ZHX2: variants seen among roughly 807,000 people sequenced by gnomAD.
ZHX2 encodes zinc fingers and homeoboxes 2, also known as zinc fingers and homeoboxes protein 2.
Under a neutral mutation model 21.9 loss-of-function variants are expected in ZHX2, and 6 were observed. The ratio of observed to expected loss-of-function variants is 0.27; its 90% CI spans 0.15 to 0.54. ZHX2 has a LOEUF of 0.54. ZHX2 is among the 20% of genes least tolerant of loss of function. The pLI, the probability that ZHX2 is intolerant of heterozygous loss-of-function variation, is 0.95. For missense variants in ZHX2, 908 were observed against 1,090.7 expected, an observed-to-expected ratio of 0.83 and a Z score of 2.36; for synonymous variants, 434 against 437.1, an observed-to-expected ratio of 0.99 and a Z score of 0.09.
chr8:122,788,443 T>A (rs1817445485), intron 1 of ZHX2, among the ~76,000 whole-genome samples: 1 of 152,180 alleles, frequency 6.6e-6, no homozygotes, highest in African/African-American at 2.4e-5. Context: ...GACACACACC[T>A]GTAGTCCCAG....
intron 2 of ZHX2, among the ~76,000 whole-genome samples, chr8:122,942,166 C>G (rs953200300): frequency 3.3e-5 from 5 of 151,716 alleles, no homozygotes; most frequent in Admixed American, 6.6e-5. Context: ...TCCTGCCCTG[C>G]CCCCACCCGT....
chr8:122,848,732 C>T (rs1353430789), intron 1 of ZHX2, among the ~76,000 whole-genome samples: 1 of 152,160 alleles, frequency 6.6e-6, no homozygotes, highest in Non-Finnish European at 1.5e-5. Context: ...AATGGACAAT[C>T]GCTGTTTCTT....
At chr8:122,849,493 C>T (rs528618622) in intron 1 of ZHX2, among the ~76,000 whole-genome samples, 1 of 152,310 alleles carries the variant, frequency 6.6e-6, no homozygotes, top group East Asian at 1.9e-4. Flanking sequence ...GCCCTATTCC[C>T]TCTGAAGGCT....
chr8:122,965,857 T>C (rs545511935), intron 3 of ZHX2, among the ~76,000 whole-genome samples: 2 of 152,282 alleles, frequency 1.3e-5, no homozygotes, highest in African/African-American at 4.8e-5. Flanking sequence ...ACATTTAGGA[T>C]TGTAATATTT....
At chr8:122,869,157 C>CTCTG (rs1198030542) in intron 2 of ZHX2, among the ~76,000 whole-genome samples, 3 of 152,176 alleles carry the variant, frequency 2.0e-5, no homozygotes, top group Non-Finnish European at 2.9e-5. Context: ...ACAGCCTGTG[C>CTCTG]TCTGCCCTTA....
At chr8:122,845,637 G>T (rs1308483539) in intron 1 of ZHX2, among the ~76,000 whole-genome samples, 1 of 152,322 alleles carries the variant, frequency 6.6e-6, no homozygotes, top group African/African-American at 2.4e-5. Context: ...GAACACAAAA[G>T]CCCAATTATA....
Position 122,951,493 on chromosome 8 carries a change from T to C in ZHX2, c.-18T>C. On this transcript the variant is annotated 5_prime_UTR_variant, in exon 3 of 4. Transcript: ENST00000314393. Reference sequence around the variant, plus strand: ...TTATCCCCCTCCAAAAATAAGCCATTGCACACAGACAGGCAGCATGGCTAG... The same window carrying C: ...TTATCCCCCTCCAAAAATAAGCCATCGCACACAGACAGGCAGCATGGCTAG... The C allele has an allele frequency of 6.3e-7, 1 of 1,598,756 alleles. No homozygotes were observed. The highest frequency in any genetic ancestry group is 8.5e-7 in the Non-Finnish European group (1 of 1,170,134).
At chr8:122,883,948 C>T (rs748661657) in intron 2 of ZHX2, among the ~76,000 whole-genome samples, 3 of 152,158 alleles carry the variant, frequency 2.0e-5, no homozygotes, top group Non-Finnish European at 2.9e-5. Context: ...GACGGGAATA[C>T]GCTCTAAGAA....
intron 3 of ZHX2, among the ~76,000 whole-genome samples, chr8:122,969,344 G>A (rs1813663808): frequency 2.6e-5 from 4 of 152,164 alleles, no homozygotes; most frequent in African/African-American, 9.6e-5. Context: ...TAGTTAATAG[G>A]AAGATATTTA....
intron 2 of ZHX2, among the ~76,000 whole-genome samples, chr8:122,922,745 G>A (rs1414863281): frequency 6.6e-6 from 1 of 152,204 alleles, no homozygotes; most frequent in Non-Finnish European, 1.5e-5. Context: ...TGGTACTTGG[G>A]TGTATTGCTC....
intron 1 of ZHX2, among the ~76,000 whole-genome samples, chr8:122,813,364 G>A (rs1052278401): frequency 2.0e-5 from 3 of 152,154 alleles, no homozygotes; most frequent in Admixed American, 1.3e-4. Context: ...ATGCATCAGA[G>A]CCGCCTTTCA....
chr8:122,941,303 G>A lies in ZHX2; in HGVS notation c.-219-9989G>A, dbSNP rs568434639. Among the ~76,000 whole-genome samples, 218 of 152,258 alleles carry A rather than the reference G, an allele frequency of 1.4e-3. 1 individual carries two copies. The highest frequency in any genetic ancestry group is 4.5e-3 in the Admixed American group (69 of 15,300). On this transcript the variant is annotated intron_variant, in intron 2 of 3. Coordinates refer to ENST00000314393, the MANE Select transcript of ZHX2 (RefSeq NM_014943.5). Reference sequence around the variant, plus strand: ...GTAAACAACATTTTAGTACTATCAGGTTTCCTTGGTCAACAAACCCCTTCT... The same window carrying A: ...GTAAACAACATTTTAGTACTATCAGATTTCCTTGGTCAACAAACCCCTTCT...
rs574191332 is a variant in ZHX2, at chr8:122,885,338, G to A, written c.-220+21799G>A. Among the ~76,000 whole-genome samples the A allele has an allele frequency of 2.6e-5, 4 of 152,328 alleles. No individual in the cohort carries two copies. The South Asian group carries it at 8.3e-4, about 32-fold the overall frequency. On this transcript the variant is annotated intron_variant, in intron 2 of 3. Transcript: ENST00000314393. The stretch of plus-strand genomic sequence containing the variant: ...GCATTTGTCATCTTCTGAGGGACCA[G>A]CCAGAGGCCAGTCTGCATGCATCAG...
Position 122,952,980 on chromosome 8 carries a change from C to T in ZHX2, c.1470C>T (p.His490=), listed in dbSNP as rs1303165641. 6.2e-7 allele frequency: 1 copy of T among 1,613,892 alleles called. No homozygotes were observed. Among genetic ancestry groups the T allele is most frequent in the Non-Finnish European group, 8.5e-7 (1 of 1,180,034 alleles). ...RSEIKKWFSD[H]RYRCQRGIVH... ...AGATCAAGAAGTGGTTCAGTGACCACCGATATCGGTGTCAAAGGGGCATCG... is the reference window on the plus strand; with the variant it reads ...AGATCAAGAAGTGGTTCAGTGACCATCGATATCGGTGTCAAAGGGGCATCG... Residue 490 remains histidine, a synonymous_variant, in exon 3 of 4, where the codon CAC becomes CAT. Transcript: ENST00000314393. The surrounding 1 kb of genome is among the most constrained non-coding windows in gnomAD (Gnocchi z 6.9).
chr8:122,903,497 G>A lies in ZHX2; in HGVS notation c.-220+39958G>A, dbSNP rs531365791. ...GGTATTATTGGAGAACGTGGGCATTGAGAAATGGGTCTTGTGTGCAGGGAT... is the reference window on the plus strand; with the variant it reads ...GGTATTATTGGAGAACGTGGGCATTAAGAAATGGGTCTTGTGTGCAGGGAT... On this transcript the variant is annotated intron_variant, in intron 2 of 3. Transcript: ENST00000314393. 2.0e-5 allele frequency among the ~76,000 whole-genome samples: 3 copies of A among 152,324 alleles called. No homozygotes were observed. In the East Asian group the frequency reaches 5.8e-4, roughly 29 times the overall value.
chr8:122,781,332 A>C (rs536057342), upstream of ZHX2: 6 of 152,218 alleles, frequency 3.9e-5, no homozygotes, highest in Non-Finnish European at 8.8e-5. This position sits in a 1 kb window ranked among gnomAD's most constrained non-coding sequence, Gnocchi z 4.6. Context: ...TTGCACGGAG[A>C]CGGTTTGGCC....
intron 1 of ZHX2, among the ~76,000 whole-genome samples, chr8:122,850,209 G>A (rs529924328): frequency 2.0e-5 from 3 of 152,162 alleles, no homozygotes; most frequent in South Asian, 2.1e-4. Context: ...CAAGAGCCCC[G>A]TGTCGCACCC....
intron 2 of ZHX2, among the ~76,000 whole-genome samples, chr8:122,877,782 C>G (rs1819605389): frequency 6.6e-6 from 1 of 152,058 alleles, no homozygotes; most frequent in African/African-American, 2.4e-5. Context: ...AGAAGGAGGA[C>G]TTGGGGGAGC....
chr8:122,847,560 C>T (rs1269951592), intron 1 of ZHX2, among the ~76,000 whole-genome samples: 1 of 152,212 alleles, frequency 6.6e-6, no homozygotes, highest in Non-Finnish European at 1.5e-5. Flanking sequence ...GTGCCAGGCC[C>T]AGTGCCAAGC....
Sources: gnomAD v4.1 joint callset for allele counts (sites outside exome capture counted in the v4.1 genomes callset) on GRCh38, gnomAD v4.1.1 for gene constraint, Gnocchi (gnomAD v3.1) non-coding constraint, MANE v1.5 for transcripts, NCBI Gene and HGNC (gene_info 2026-07-23, HGNC 2026-07-21) for gene names.